Variants in ZNF479 observed in about 807,000 individuals in gnomAD.
The protein encoded by ZNF479 is KRAB zinc finger protein KR19.
ZNF479 carries 15 observed loss-of-function variants against 14.7 expected under a neutral mutation model. The ratio of observed to expected loss-of-function variants is 1.02; its 90% CI spans 0.68 to 1.57. The LOEUF (loss-of-function observed/expected upper bound fraction) is 1.57. Ranked by LOEUF, ZNF479 falls within the 40% of genes most tolerant of loss-of-function variation. The pLI, the probability that ZNF479 is intolerant of heterozygous loss-of-function variation, is 0.00. For synonymous variants in ZNF479, 145 were observed against 211.5 expected (o/e 0.69, Z 2.73); for missense variants, 506 against 615.1 (o/e 0.82, Z 1.88).
chr7:57,130,761 C>A (rs1355221009), intron 1 of ZNF479, among the ~76,000 whole-genome samples: 6 of 152,154 alleles, frequency 3.9e-5, no homozygotes. Flanking sequence ...TGGGAATATA[C>A]CCAGTGAATG....
In ZNF479 at chr7:57,126,062, T is replaced by C. The variant is rs775087732; in HGVS notation, c.218A>G (p.Glu73Gly). 2 of 1,604,336 alleles carry C rather than the reference T, an allele frequency of 1.2e-6. No homozygotes were observed. The highest frequency in any genetic ancestry group is 2.2e-5 in the East Asian group (1 of 44,864). ...DLITCLEQNK[E>G]SQNIKRNEMV... ...CTCATTTCTCTTTATATTCTGGGAC[T>C]CTTTATTTTGCTCCAGACAGGTGAT... Residue 73 changes from glutamate to glycine, a missense_variant, in exon 3 of 4, where the codon GAG becomes GGG. Physicochemically the swap from Glu to Gly is moderately conservative, Grantham distance 98. Coordinates refer to ENST00000319636, the MANE Select transcript of ZNF479 (RefSeq NM_001370129.2).
At chr7:57,127,245 A>AC (rs1217241575) in intron 1 of ZNF479, among the ~76,000 whole-genome samples, 2 of 151,010 alleles carry the variant, frequency 1.3e-5, no homozygotes, top group African/African-American at 4.9e-5. Flanking sequence ...CAGGTCTTGC[A>AC]CTCCTCACCT....
At chr7:57,130,144 G>A (rs1335102537) in intron 1 of ZNF479, among the ~76,000 whole-genome samples, 13 of 152,188 alleles carry the variant, frequency 8.5e-5, no homozygotes, top group Admixed American at 8.5e-4. Context: ...AATCAGAGCT[G>A]AAATGAAGAA....
upstream of ZNF479, among the ~76,000 whole-genome samples, chr7:57,136,566 G>C (rs1421929365): frequency 1.3e-5 from 2 of 152,144 alleles, no homozygotes; most frequent in Non-Finnish European, 2.9e-5. Flanking sequence ...TGAAATTTAT[G>C]TTATACTTAA....
chr7:57,121,077 C>T lies in ZNF479; in HGVS notation c.338G>A (p.Arg113Lys). 1.9e-6 allele frequency: 3 copies of T among 1,613,718 alleles called. No homozygotes were observed. Among genetic ancestry groups the T allele is most frequent in the Non-Finnish European group, 2.5e-6 (3 of 1,179,874 alleles). Reference protein sequence around the residue: ...IKDSLQKVIPRTYGKCGHEKL... With the variant: ...IKDSLQKVIPKTYGKCGHEKL... ...CTCATGTCCACATTTTCCATATGTT[C>T]TTGGTATTACTTTTTGGAGTGAATC... is the stretch of plus-strand genomic sequence containing the variant. The change falls in exon 4 of 4, where the codon AGA (arginine) becomes AAA (lysine). Residue 113 changes from arginine (R) to lysine (K), a missense_variant. This residue lies in a region of ZNF479 where 420 missense variants were observed against 474.2 expected (regional missense o/e 0.89). Coordinates refer to ENST00000319636, the MANE Select transcript of ZNF479 (RefSeq NM_001370129.2).
At chr7:57,135,961 ATCTCTCTCTCAATCTCTC>A (rs1425496411), upstream of ZNF479, among the ~76,000 whole-genome samples, 74 of 108,824 alleles carry the variant, frequency 6.8e-4, no homozygotes, top group African/African-American at 3.1e-3. Context: ...GCCATAGGCA[ATCTCTCTCTCAATCTCTC>A]TCTCTCTCTC....
intron 1 of ZNF479, among the ~76,000 whole-genome samples, chr7:57,130,551 G>GA (rs1317170165): frequency 1.3e-5 from 2 of 151,314 alleles, no homozygotes; most frequent in East Asian, 1.9e-4. Flanking sequence ...AGACTAATGG[G>GA]AAAAAAAGAA....
chr7:57,135,516 G>A (rs78474708), upstream of ZNF479, among the ~76,000 whole-genome samples: 3,325 of 152,120 alleles, frequency 0.022, 112 homozygotes, highest in East Asian at 0.17. Context: ...AGGTTCAACC[G>A]ATTCTCCTTC....
intron 1 of ZNF479, among the ~76,000 whole-genome samples, chr7:57,137,696 C>G (rs1259642942): frequency 6.6e-6 from 1 of 152,168 alleles, no homozygotes; most frequent in Non-Finnish European, 1.5e-5. Context: ...TTCTCTTTTG[C>G]CTGGGCCCGG....
Position 57,120,222 on chromosome 7 carries a change from A to T in ZNF479, c.1193T>A (p.Ile398Asn), listed in dbSNP as rs1430326212. The T allele has an allele frequency of 3.1e-6, 5 of 1,593,092 alleles. No individual in the cohort carries two copies. Among genetic ancestry groups the T allele is most frequent in the African/African-American group, 2.9e-5 (2 of 68,592 alleles). ...CTCTCCAGTATGAATTCTCTTGTGG[A>T]TAGTAAGTGCTGAGGAGCGCCTAAA... The part of the protein sequence containing the change: ...QDFRRSSALT[I>N]HKRIHTGERP... The change falls in exon 4 of 4, where the codon ATC becomes AAC. Residue 398 changes from isoleucine (I) to asparagine (N), a missense_variant. Physicochemically the swap from Ile to Asn is moderately radical, Grantham distance 149. Transcript: ENST00000319636.
chr7:57,138,930 A>G (rs1437727403), intron 1 of ZNF479, among the ~76,000 whole-genome samples: 2 of 152,342 alleles, frequency 1.3e-5, no homozygotes, highest in Admixed American at 1.3e-4. Context: ...TAACCAGATC[A>G]CAGGAACAAA....
intron 1 of ZNF479, among the ~76,000 whole-genome samples, chr7:57,129,704 T>C (rs1305433776): frequency 6.6e-6 from 1 of 152,182 alleles, no homozygotes; most frequent in African/African-American, 2.4e-5. Context: ...TTAATTTTCA[T>C]AGCACCCTGG....
intron 1 of ZNF479, among the ~76,000 whole-genome samples, chr7:57,127,822 G>A (rs922821377): frequency 6.6e-6 from 1 of 151,672 alleles, no homozygotes; most frequent in South Asian, 2.1e-4. Flanking sequence ...ACTTTATTAG[G>A]ACACATTTTT....
intron 1 of ZNF479, among the ~76,000 whole-genome samples, chr7:57,131,315 C>A (rs757568123): frequency 1.4e-4 from 22 of 152,026 alleles, no homozygotes; most frequent in Non-Finnish European, 2.1e-4. Flanking sequence ...GTAACCCCAG[C>A]CCATTGGGAG....
rs2115852075 is a variant in ZNF479, at chr7:57,120,191, G to A, written c.1224C>T (p.Pro408=). 1 of 1,611,880 alleles carries A rather than the reference G, an allele frequency of 6.2e-7. No homozygotes were observed. Among genetic ancestry groups the A allele is most frequent in the East Asian group, 2.2e-5 (1 of 44,752 alleles). ...IHKRIHTGER[P]YKCEECGKVF... is the part of the protein sequence containing the mutation. ...CTTTGCCACACTCTTCACATTTGTA[G>A]GGTCTCTCTCCAGTATGAATTCTCT... The change falls in exon 4 of 4, where the codon CCC becomes CCT. Residue 408 remains proline (P), a synonymous_variant. Transcript: ENST00000319636.
At chr7:57,131,476 T>C (rs530369184) in intron 1 of ZNF479, among the ~76,000 whole-genome samples, 197 of 151,568 alleles carry the variant, frequency 1.3e-3, no homozygotes, top group Middle Eastern at 3.4e-3. Flanking sequence ...GGCAGGACAA[T>C]TACTTGAACC....
rs199790031 is a variant in ZNF479, at chr7:57,127,923, T to TTATA, written c.40-1209_40-1206dup. 9.9e-5 allele frequency among the ~76,000 whole-genome samples: 14 copies of TTATA among 141,016 alleles called. No homozygotes were observed. The East Asian group carries it at 1.3e-3, about 13-fold the overall frequency. 92.5% of individuals were successfully genotyped at this position (141,016 alleles called of 152,430 possible). A position where few individuals can be genotyped will look rare whatever the true frequency, so the allele number is the denominator to read the frequency against. Reference sequence around the variant, plus strand: ...AAATTATAATCTACATTTAATTTTATTATATATATATATATTTTTTTTTTT... The same window carrying TTATA: ...AAATTATAATCTACATTTAATTTTATTATATATATATATATATATTTTTTTTTTT... On this transcript the variant is annotated intron_variant, in intron 1 of 3. Transcript: ENST00000319636.
Position 57,119,053 on chromosome 7 carries a change from A to AACCCTTT in ZNF479, c.*786_*787insAAAGGGT, listed in dbSNP as rs1287793763. Among the ~76,000 whole-genome samples the AACCCTTT allele has an allele frequency of 6.6e-6, 1 of 152,194 alleles. No individual in the cohort carries two copies. Among genetic ancestry groups the AACCCTTT allele is most frequent in the Non-Finnish European group, 1.5e-5 (1 of 68,048 alleles). ...GTGAGTAAGCATGGAGAACCAGTTA[A>AACCCTTT]AGGGTTTGCCACATTTTTTTCTGCA... On this transcript the variant is annotated 3_prime_UTR_variant, in exon 4 of 4. Transcript: ENST00000319636.
At chr7:57,123,310 C>T (rs1474950227) in intron 3 of ZNF479, among the ~76,000 whole-genome samples, 4 of 152,218 alleles carry the variant, frequency 2.6e-5, no homozygotes, top group Non-Finnish European at 5.9e-5. Context: ...ATGATTGTGC[C>T]AAGTCATTCA....
Sources: gnomAD v4.1 joint callset for allele counts (sites outside exome capture counted in the v4.1 genomes callset) on GRCh38, gnomAD v4.1.1 for gene constraint, gnomAD v4.1.1 regional missense constraint, MANE v1.5 for transcripts, NCBI Gene and HGNC (gene_info 2026-07-23, HGNC 2026-07-21) for gene names.